Variants in SYT1 observed in about 807,000 individuals in gnomAD.
The protein encoded by SYT1 is synaptotagmin-1.
SYT1 carries 8 observed loss-of-function variants against 44.8 expected under a neutral mutation model. The ratio of observed to expected loss-of-function variants is 0.18; its 90% confidence interval spans 0.10 to 0.32. SYT1 has a LOEUF of 0.32. Among genes scored for constraint, SYT1 ranks in the 10% least tolerant of loss-of-function variants. The probability of loss-of-function intolerance (pLI) is 1.00; values close to 1 mark genes in which losing one functional copy is unlikely to be tolerated. For synonymous variants in SYT1, 154 were observed against 188.8 expected (o/e 0.82, Z 1.51); for missense variants, 286 against 509.3 (o/e 0.56, Z 4.22).
Position 79,217,608 on chromosome 12 carries a change from C to A in SYT1, c.89C>A (p.Ala30Asp). The A allele has an allele frequency of 6.2e-7, 1 of 1,612,774 alleles. No homozygotes were observed. The highest frequency in any genetic ancestry group is 1.1e-5 in the South Asian group (1 of 90,946). Residue 30 changes from alanine (A) to aspartate (D), a missense_variant, in exon 4 of 11, where the codon GCC (alanine) becomes GAC (aspartate). Physicochemically the swap from Ala to Asp is moderately radical, Grantham distance 126. Transcript: ENST00000261205. ...CTGCCAAGCAACGCCACAGAGCCAG[C>A]CAGTCCTGGAGAAGGAAAGGAAGAT... is the stretch of plus-strand genomic sequence containing the variant. ...TVLPSNATEP[A>D]SPGEGKEDAF...
Position 79,020,637 on chromosome 12 carries a change from A to G in SYT1, c.-83-26660A>G, listed in dbSNP as rs538452038. ...TCTTAATTCTGTCTCTCCTGTGGAA[A>G]ATAGATGGATACATCCATGAGTTTA... On this transcript the variant is annotated intron_variant, in intron 2 of 10. Coordinates refer to ENST00000261205, the MANE Select transcript of SYT1 (RefSeq NM_005639.3). 6.6e-5 allele frequency among the ~76,000 whole-genome samples: 10 copies of G among 152,038 alleles called. No homozygotes were observed. In the South Asian group the frequency reaches 1.9e-3, roughly 28 times the overall value.
intron 8 of SYT1, among the ~76,000 whole-genome samples, chr12:79,317,357 A>G (rs144476241): frequency 8.9e-4 from 135 of 152,320 alleles, no homozygotes; most frequent in African/African-American, 2.9e-3. Flanking sequence ...CCTGCCAACC[A>G]TATCTCCACT....
intron 3 of SYT1, among the ~76,000 whole-genome samples, chr12:79,134,303 G>T (rs1313304596): frequency 6.6e-6 from 1 of 152,172 alleles, no homozygotes; most frequent in African/African-American, 2.4e-5. Context: ...TACTATAAAA[G>T]AAAAGGAGAC....
chr12:78,974,591 C>T (rs1868674623), intron 1 of SYT1, among the ~76,000 whole-genome samples: 1 of 151,916 alleles, frequency 6.6e-6, no homozygotes, highest in African/African-American at 2.4e-5. Context: ...CACCCGCCAC[C>T]ATGCCCGGCT....
chr12:79,398,906 C>T (rs1348806544), intron 9 of SYT1, among the ~76,000 whole-genome samples: 3 of 152,008 alleles, frequency 2.0e-5, no homozygotes, highest in Non-Finnish European at 2.9e-5. Flanking sequence ...TTGCCATGGC[C>T]CTTGTAGCTG....
chr12:79,172,849 T>C (rs2138357835), intron 3 of SYT1, among the ~76,000 whole-genome samples: 1 of 151,410 alleles, frequency 6.6e-6, no homozygotes, highest in Non-Finnish European at 1.5e-5. Context: ...ACTATGATCA[T>C]TTGATAATAC....
chr12:79,020,375 G>C (rs2137619293), intron 2 of SYT1, among the ~76,000 whole-genome samples: 2 of 151,934 alleles, frequency 1.3e-5, no homozygotes, highest in East Asian at 3.9e-4. Context: ...TCAATTAACA[G>C]GATGCCCAGG....
At chr12:78,922,016 C>A in intron 1 of SYT1, among the ~76,000 whole-genome samples, 1 of 151,660 alleles carries the variant, frequency 6.6e-6, no homozygotes, top group African/African-American at 2.4e-5. Context: ...TTTTGATCAT[C>A]ACAGGAAAAA....
At position 79,124,887 on chromosome 12, in the gene SYT1, C is replaced by G. The variant is rs527293469; in HGVS notation, c.-18+77525C>G. Among the ~76,000 whole-genome samples the G allele has an allele frequency of 2.6e-5, 4 of 151,786 alleles. No homozygotes were observed. The South Asian group carries it at 8.3e-4, about 32-fold the overall frequency. ...GACTAATTTGAGTATAACTGAAGAG[C>G]TTCATTTGTTTCAAATGAAATGAAG... On this transcript the variant is annotated intron_variant, in intron 3 of 10. Coordinates refer to ENST00000261205, the MANE Select transcript of SYT1 (RefSeq NM_005639.3).
chr12:79,185,991 C>A (rs946698853), intron 3 of SYT1, among the ~76,000 whole-genome samples: 1 of 151,966 alleles, frequency 6.6e-6, no homozygotes, highest in Non-Finnish European at 1.5e-5. Flanking sequence ...GGTGTCATAG[C>A]ATTTTTTATA....
At chr12:79,440,444 C>A (rs1038597900) in intron 9 of SYT1, among the ~76,000 whole-genome samples, 2 of 152,094 alleles carry the variant, frequency 1.3e-5, no homozygotes, top group Non-Finnish European at 2.9e-5. Context: ...TGAATCCATA[C>A]AGTTACAGAG....
At chr12:78,870,620 C>G (rs1466376397) in intron 1 of SYT1, among the ~76,000 whole-genome samples, 1 of 152,000 alleles carries the variant, frequency 6.6e-6, no homozygotes, top group East Asian at 1.9e-4. Flanking sequence ...CCATCATGCT[C>G]CCTGACAGCA....
intron 1 of SYT1, among the ~76,000 whole-genome samples, chr12:78,879,807 G>A (rs149096420): frequency 6.6e-6 from 1 of 151,716 alleles, no homozygotes; most frequent in African/African-American, 2.4e-5. Flanking sequence ...TTATCATATT[G>A]TTCCTTTGTT....
chr12:79,311,079 C>A (rs1376652950), intron 8 of SYT1, among the ~76,000 whole-genome samples: 1 of 152,236 alleles, frequency 6.6e-6, no homozygotes, highest in African/African-American at 2.4e-5. Context: ...GAGAGGGCAT[C>A]CCTGTCTTGT....
chr12:79,415,315 A>G (rs1033767644), intron 9 of SYT1, among the ~76,000 whole-genome samples: 1 of 152,060 alleles, frequency 6.6e-6, no homozygotes, highest in Non-Finnish European at 1.5e-5. Flanking sequence ...TTATCACACT[A>G]TTTTACTTTT....
intron 2 of SYT1, among the ~76,000 whole-genome samples, chr12:79,002,631 C>A (rs1353733159): frequency 6.6e-6 from 1 of 151,956 alleles, no homozygotes; most frequent in Non-Finnish European, 1.5e-5. Flanking sequence ...TGAACTCTTG[C>A]CCTGAGCTTA....
intron 1 of SYT1, among the ~76,000 whole-genome samples, chr12:78,869,722 C>T (rs1873720235): frequency 6.6e-6 from 1 of 151,978 alleles, no homozygotes; most frequent in Non-Finnish European, 1.5e-5. Flanking sequence ...ATGTCTTTGA[C>T]ACATGCAAAA....
chr12:78,938,596 A>C (rs7972778), intron 1 of SYT1, among the ~76,000 whole-genome samples: 13,204 of 152,268 alleles, frequency 0.087, 655 homozygotes, highest in East Asian at 0.18. Context: ...CACATGCACA[A>C]GTAAGCATGC....
intron 2 of SYT1, among the ~76,000 whole-genome samples, chr12:78,990,552 G>A (rs910139319): frequency 1.1e-4 from 16 of 152,048 alleles, no homozygotes; most frequent in Admixed American, 9.8e-4. Flanking sequence ...ATTCTTATCT[G>A]TGTCTGCCAT....
Sources: gnomAD v4.1 joint callset for allele counts (sites outside exome capture counted in the v4.1 genomes callset) on GRCh38, gnomAD v4.1.1 for gene constraint, MANE v1.5 for transcripts, NCBI Gene and HGNC (gene_info 2026-07-23, HGNC 2026-07-21) for gene names.